TNR: variants seen among roughly 807,000 people sequenced by gnomAD.
TNR encodes tenascin R, also known as tenascin-R.
A neutral mutation model predicts 150.4 loss-of-function variants in TNR; 45 were observed. That is an observed-to-expected ratio of 0.30 (90% CI 0.24 to 0.38). TNR has a LOEUF of 0.38. Ranked by LOEUF, TNR falls within the 10% of genes least tolerant of loss-of-function variation. TNR has a pLI of 1.00. For missense variants in TNR, 1,544 were observed against 1,759.1 expected, an observed-to-expected ratio of 0.88 and a Z score of 2.19; for synonymous variants, 687 against 678.4, an observed-to-expected ratio of 1.01 and a Z score of -0.20.
At chr1:175,459,019 CATT>C (rs1186956557) in intron 2 of TNR, among the ~76,000 whole-genome samples, 12 of 151,982 alleles carry the variant, frequency 7.9e-5, no homozygotes, top group African/African-American at 2.2e-4. Flanking sequence ...CCACCATCAT[CATT>C]AACAACATCA....
At chr1:175,452,531 G>C (rs1472891335) in intron 2 of TNR, among the ~76,000 whole-genome samples, 1 of 152,230 alleles carries the variant, frequency 6.6e-6, no homozygotes, top group Non-Finnish European at 1.5e-5. Flanking sequence ...GGAAGATTTG[G>C]TGCAAAGGCC....
At chr1:175,558,890 G>A (rs1661300415) in intron 1 of TNR, among the ~76,000 whole-genome samples, 1 of 152,110 alleles carries the variant, frequency 6.6e-6, no homozygotes, top group Non-Finnish European at 1.5e-5. Context: ...CCCAAAATAT[G>A]TATACCAAGA....
intron 1 of TNR, among the ~76,000 whole-genome samples, chr1:175,573,641 A>G (rs139200496): frequency 7.9e-5 from 12 of 152,352 alleles, no homozygotes; most frequent in African/African-American, 2.6e-4. Context: ...AAGGCCATAA[A>G]TTACCAGCCA....
At chr1:175,711,660 C>A (rs1402499186) in intron 1 of TNR, among the ~76,000 whole-genome samples, 1 of 152,080 alleles carries the variant, frequency 6.6e-6, no homozygotes, top group Non-Finnish European at 1.5e-5. Context: ...GTGGCCGGGC[C>A]CAGGACAACA....
chr1:175,704,631 G>C (rs926932205), intron 1 of TNR, among the ~76,000 whole-genome samples: 1 of 152,200 alleles, frequency 6.6e-6, no homozygotes, highest in African/African-American at 2.4e-5. Context: ...GAGGAGCAGG[G>C]GAGGTGATGC....
At chr1:175,504,885 G>A (rs1379264179) in intron 2 of TNR, among the ~76,000 whole-genome samples, 1 of 152,288 alleles carries the variant, frequency 6.6e-6, no homozygotes, top group Non-Finnish European at 1.5e-5. Context: ...GTCCTTAGAA[G>A]AAGAAGAAAT....
In TNR at chr1:175,406,260, CG is replaced by C; in HGVS notation, c.454del (p.Arg152GlufsTer113). On this transcript the variant is annotated frameshift_variant, in exon 3 of 23. Transcript: ENST00000367674. LOFTEE classifies it high-confidence loss of function. ...GCAGCAGTTGGCGTTGCACTGGTCT[CG>C]CAGCACCGACACCTCCCTCTCCAGC... Reference protein sequence around the residue: ...EMLEREVSVLRDQCNANCCQE... With the variant: ...EMLEREVSVLXDQCNANCCQE... 6.2e-7 allele frequency: 1 copy of C among 1,614,162 alleles called. No individual in the cohort carries two copies. Among genetic ancestry groups the C allele is most frequent in the Non-Finnish European group, 8.5e-7 (1 of 1,180,042 alleles).
At chr1:175,370,281 C>T (rs1010116286) in intron 9 of TNR, among the ~76,000 whole-genome samples, 5 of 141,634 alleles carry the variant, frequency 3.5e-5, no homozygotes, top group African/African-American at 7.9e-5. Context: ...TGGATCTTAG[C>T]GGTAGTAGCT....
chr1:175,419,361 A>G (rs1654649079), intron 2 of TNR, among the ~76,000 whole-genome samples: 1 of 152,240 alleles, frequency 6.6e-6, no homozygotes, highest in African/African-American at 2.4e-5. Context: ...GTAAGAATAC[A>G]GATGGCACTG....
intron 1 of TNR, among the ~76,000 whole-genome samples, chr1:175,615,109 G>A (rs991852285): frequency 1.3e-5 from 2 of 152,218 alleles, no homozygotes; most frequent in South Asian, 2.1e-4. Context: ...GAGATAAATC[G>A]AGGGTGGACA....
At chr1:175,634,775 A>C (rs1664443268) in intron 1 of TNR, among the ~76,000 whole-genome samples, 1 of 152,204 alleles carries the variant, frequency 6.6e-6, no homozygotes, top group Non-Finnish European at 1.5e-5. Context: ...AGTCAGTCCC[A>C]AGTTGCCACT....
chr1:175,671,271 C>T (rs575859577), intron 1 of TNR, among the ~76,000 whole-genome samples: 1 of 152,314 alleles, frequency 6.6e-6, no homozygotes, highest in East Asian at 1.9e-4. Flanking sequence ...CTACTGAACT[C>T]CTCCTTTATG....
chr1:175,597,449 G>A (rs74127351), intron 1 of TNR, among the ~76,000 whole-genome samples: 2,190 of 152,320 alleles, frequency 0.014, 55 homozygotes, highest in African/African-American at 0.049. Flanking sequence ...ACTGCTTTTG[G>A]ATACTGTGGA....
rs139841168 is a variant in TNR, at chr1:175,534,527, A to C, written c.-164-6158T>G. Among the ~76,000 whole-genome samples the C allele has an allele frequency of 6.8e-3, 1,036 of 152,346 alleles. 8 individuals carry two copies. The highest frequency in any genetic ancestry group is 0.022 in the African/African-American group (930 of 41,584). On this transcript the variant is annotated intron_variant, in intron 1 of 22. Transcript: ENST00000367674. ...GAGTCCTCACACACTGCCCAAGTGC[A>C]TCAGGGCTCTGACCCCGGTATCTGG...
chr1:175,497,614 G>A (rs935895642), intron 2 of TNR, among the ~76,000 whole-genome samples: 1 of 152,172 alleles, frequency 6.6e-6, no homozygotes, highest in African/African-American at 2.4e-5. Context: ...GTACTGCCTT[G>A]TGGGAGAAAT....
At chr1:175,596,319 T>G (rs1465402924) in intron 1 of TNR, among the ~76,000 whole-genome samples, 2 of 152,058 alleles carry the variant, frequency 1.3e-5, no homozygotes, top group African/African-American at 2.4e-5. Context: ...GGTCCTCCAG[T>G]TCCCCCCACC....
chr1:175,657,511 G>T (rs112205587), intron 1 of TNR, among the ~76,000 whole-genome samples: 6,062 of 152,046 alleles, frequency 0.04, 339 homozygotes, highest in African/African-American at 0.12. Flanking sequence ...CAAAGACTTG[G>T]AACCAGCCCA....
At chr1:175,411,467 T>C (rs745567570) in intron 2 of TNR, among the ~76,000 whole-genome samples, 7 of 152,030 alleles carry the variant, frequency 4.6e-5, no homozygotes, top group Non-Finnish European at 8.8e-5. Context: ...GACAGAACTA[T>C]ATTCTCTCAT....
At chr1:175,615,533 G>T (rs1217128994) in intron 1 of TNR, among the ~76,000 whole-genome samples, 1 of 152,204 alleles carries the variant, frequency 6.6e-6, no homozygotes, top group East Asian at 1.9e-4. Context: ...CCACATCAAG[G>T]CCCCGCCCTG....
Sources: allele counts gnomAD v4.1 joint callset (sites outside exome capture counted in the v4.1 genomes callset), GRCh38; gene constraint gnomAD v4.1.1; transcripts MANE v1.5; gene names NCBI Gene and HGNC (gene_info 2026-07-23, HGNC 2026-07-21).